ASPA: variants seen among roughly 807,000 people sequenced by gnomAD.
The protein encoded by ASPA is ACY-2.
Under a neutral mutation model 29.6 loss-of-function variants are expected in ASPA, and 25 were observed. The observed-to-expected ratio is 0.85, with a 90% CI of 0.62 to 1.18. ASPA has a LOEUF of 1.18. ASPA is among the 50% of genes most tolerant of loss of function. The pLI is 0.00. For synonymous variants in ASPA, 131 were observed against 130.3 expected (o/e 1.01, Z -0.04); for missense variants, 333 against 385.7 (o/e 0.86, Z 1.14).
chr17:3,476,497 C>A, intron 1 of ASPA, 102 bp downstream of exon 1: 5 of 1,073,708 alleles, frequency 4.7e-6, no homozygotes, highest in South Asian at 2.5e-5. Flanking sequence ...TAATTCATGT[C>A]CGTACATGCA....
rs1212818519 is a variant in ASPA at position 3,476,154 on chromosome 17, G to A, written c.-6G>A. On this transcript the variant is annotated 5_prime_UTR_variant, in exon 1 of 6. Transcript: ENST00000263080. ...TGCAGAAATCAGATAAAAACTACTT[G>A]GTGAAATGACTTCTTGTCACATTGC... 4 of 1,610,608 alleles carry A rather than the reference G, an allele frequency of 2.5e-6. No individual in the cohort carries two copies. The Admixed American group carries it at 5.0e-5, about 20-fold the overall frequency.
In ASPA at chr17:3,489,834, A is replaced by G. The variant is rs1203335063; in HGVS notation, c.634+492A>G. 7.2e-5 allele frequency among the ~76,000 whole-genome samples: 11 copies of G among 152,302 alleles called. No individual in the cohort carries two copies. The East Asian group carries it at 2.1e-3, about 29-fold the overall frequency. ...AGCATCCACTTCTTAAAACACACCA[A>G]TCTTATTACCCAGCGATTCCACATC... On this transcript the variant is annotated intron_variant, in intron 4 of 5. Transcript: ENST00000263080.
chr17:3,496,862 C>G (rs190295122), intron 5 of ASPA, among the ~76,000 whole-genome samples: 1 of 151,996 alleles, frequency 6.6e-6, no homozygotes, highest in Non-Finnish European at 1.5e-5. Flanking sequence ...GTCAGGAGAT[C>G]GAGACCATCC....
In ASPA at chr17:3,499,066, G is replaced by C. The variant is rs1421067148; in HGVS notation, c.920G>C (p.Ser307Thr). ...KTTKLTLNAK[S>T]IRCCLH ...ACTAAACTAACGCTCAATGCAAAAAGTATTCGCTGCTGTTTACATTAGAAA... is the reference window on the plus strand; with the variant it reads ...ACTAAACTAACGCTCAATGCAAAAACTATTCGCTGCTGTTTACATTAGAAA... Residue 307 changes from serine to threonine, a missense_variant, in exon 6 of 6, where the codon AGT becomes ACT. Physicochemically the swap from Ser to Thr is moderately conservative, Grantham distance 58. Transcript: ENST00000263080. The C allele has an allele frequency of 6.2e-7, 1 of 1,614,056 alleles. No homozygotes were observed.
rs923626956 is a variant in ASPA, at chr17:3,501,102, T to C, written c.*2014T>C. The stretch of plus-strand genomic sequence containing the variant: ...AAGCCCATGGATCAAGGCGTCATTG[T>C]GACTTTCAAATCTAACTATTTAAGA... On this transcript the variant is annotated 3_prime_UTR_variant, in exon 6 of 6. Coordinates refer to ENST00000263080, the MANE Select transcript of ASPA (RefSeq NM_000049.4). The C allele has an allele frequency of 1.7e-4, 26 of 152,056 alleles. No homozygotes were observed. Among genetic ancestry groups the C allele is most frequent in the African/African-American group, 6.0e-4 (25 of 41,380 alleles). 9.4% of individuals were successfully genotyped at this position (152,056 alleles called of 1,614,324 possible). A position where few individuals can be genotyped will look rare whatever the true frequency, so the allele number is the denominator to read the frequency against.
rs1438500410 is a variant in ASPA, at chr17:3,489,245, T to C, written c.537T>C (p.Val179=). ...SIAKYPVGIE[V]GPQPQGVLRA... is the part of the protein sequence containing the mutation. ...TCCTTCTGTACCTAGGTATAGAAGT[T>C]GGTCCTCAGCCTCAAGGGGTTCTGA... Residue 179 remains valine (V), a synonymous_variant, in exon 4 of 6, where the codon GTT becomes GTC. Transcript: ENST00000263080. The C allele has an allele frequency of 6.2e-7, 1 of 1,609,124 alleles. No homozygotes were observed. Among genetic ancestry groups the C allele is most frequent in the Non-Finnish European group, 8.5e-7 (1 of 1,176,608 alleles).
intron 1 of ASPA, among the ~76,000 whole-genome samples, chr17:3,478,019 A>T (rs1260814237): frequency 1.3e-5 from 2 of 151,042 alleles, no homozygotes; most frequent in Non-Finnish European, 3.0e-5. Flanking sequence ...CGTCTCTACT[A>T]AAAAAAATAC....
In ASPA at chr17:3,502,767, C is replaced by T. The variant is rs1249106887; in HGVS notation, c.*3679C>T. ...CTGAGGAGCTAATGTTTCTTCCCAACATGGAAAATTTGGAAGAGGCCTATT... is the reference window on the plus strand; with the variant it reads ...CTGAGGAGCTAATGTTTCTTCCCAATATGGAAAATTTGGAAGAGGCCTATT... On this transcript the variant is annotated 3_prime_UTR_variant, in exon 6 of 6. Coordinates refer to ENST00000263080, the MANE Select transcript of ASPA (RefSeq NM_000049.4). 2 of 152,276 alleles carry T rather than the reference C, an allele frequency of 1.3e-5. No homozygotes were observed. Among genetic ancestry groups the T allele is most frequent in the Non-Finnish European group, 2.9e-5 (2 of 68,062 alleles). 9.4% of individuals were successfully genotyped at this position (152,276 alleles called of 1,614,324 possible).
At chr17:3,479,363 AG>A (rs908629349) in intron 1 of ASPA, among the ~76,000 whole-genome samples, 9 of 152,212 alleles carry the variant, frequency 5.9e-5, no homozygotes, top group African/African-American at 2.2e-4. Context: ...GCGCGACCTC[AG>A]GGGGTTATTT....
At chr17:3,494,588 T>C in intron 5 of ASPA, 129 bp downstream of exon 5, 1 of 797,080 alleles carries the variant, frequency 1.3e-6, no homozygotes, top group Non-Finnish European at 2.1e-6. Context: ...TGAGTGTAGA[T>C]AGGGAAGATG....
chr17:3,491,469 A>T (rs1270653414), intron 4 of ASPA, among the ~76,000 whole-genome samples: 1 of 152,156 alleles, frequency 6.6e-6, no homozygotes, highest in Non-Finnish European at 1.5e-5. Context: ...ATTCCTGGCC[A>T]GGCGCGGTGG....
rs1484581332 is a variant in ASPA, at chr17:3,476,153, T to C, written c.-7T>C. 5.6e-6 allele frequency: 9 copies of C among 1,611,156 alleles called. No individual in the cohort carries two copies. The highest frequency in any genetic ancestry group is 6.8e-6 in the Non-Finnish European group (8 of 1,177,658). On this transcript the variant is annotated 5_prime_UTR_variant, in exon 1 of 6. Transcript: ENST00000263080. ...TTGCAGAAATCAGATAAAAACTACT[T>C]GGTGAAATGACTTCTTGTCACATTG...
At chr17:3,483,081 G>A (rs1567611854) in intron 2 of ASPA, among the ~76,000 whole-genome samples, 2 of 151,966 alleles carry the variant, frequency 1.3e-5, no homozygotes, top group African/African-American at 2.4e-5. Context: ...AGCAGGAGGA[G>A]GGGGAATCAC....
In ASPA at chr17:3,498,952, C is replaced by G; in HGVS notation, c.806C>G (p.Thr269Arg). The change falls in exon 6 of 6, where the codon ACG (threonine) becomes AGG (arginine). Residue 269 changes from threonine (T) to arginine (R), a missense_variant. By Grantham distance (71) the Thr-to-Arg change is moderately conservative. Coordinates refer to ENST00000263080, the MANE Select transcript of ASPA (RefSeq NM_000049.4). The part of the protein sequence containing the change: ...DPMFLTLDGK[T>R]IPLGGDCTVY... ...ATGTTTTTAACTCTTGATGGGAAGACGATCCCACTGGGCGGAGACTGTACC... is the reference window on the plus strand; with the variant it reads ...ATGTTTTTAACTCTTGATGGGAAGAGGATCCCACTGGGCGGAGACTGTACC... The G allele has an allele frequency of 6.2e-7, 1 of 1,612,738 alleles. No individual in the cohort carries two copies. The highest frequency in any genetic ancestry group is 8.5e-7 in the Non-Finnish European group (1 of 1,179,214).
At chr17:3,481,548 T>C in intron 1 of ASPA, 55 bp from the exon 2 acceptor site, 1 of 1,498,326 alleles carries the variant, frequency 6.7e-7, no homozygotes, top group Non-Finnish European at 9.2e-7. Context: ...TTATTATATG[T>C]TTATATTATC....
chr17:3,497,498 G>A (rs936326993), intron 5 of ASPA, among the ~76,000 whole-genome samples: 1 of 152,154 alleles, frequency 6.6e-6, no homozygotes, highest in Non-Finnish European at 1.5e-5. Flanking sequence ...ACACAAAAAT[G>A]AGCGAATTTC....
rs2074009884 is a variant in ASPA, at chr17:3,503,152, A to C, written c.*4064A>C. The C allele has an allele frequency of 6.6e-6, 1 of 152,108 alleles. No homozygotes were observed. The highest frequency in any genetic ancestry group is 1.5e-5 in the Non-Finnish European group (1 of 68,032). The allele number at this position is 152,108 out of a possible 1,614,324, so 9.4% of individuals were successfully genotyped here. A position where few individuals can be genotyped will look rare whatever the true frequency, so the allele number is the denominator to read the frequency against. ...ATTCCATGATCTGTACCCCCAATGAATCCATAATCATAGTTTCAAATGTAT... is the reference window on the plus strand; with the variant it reads ...ATTCCATGATCTGTACCCCCAATGACTCCATAATCATAGTTTCAAATGTAT... On this transcript the variant is annotated 3_prime_UTR_variant, in exon 6 of 6. Coordinates refer to ENST00000263080, the MANE Select transcript of ASPA (RefSeq NM_000049.4).
At chr17:3,477,775 A>C (rs1309178123) in intron 1 of ASPA, among the ~76,000 whole-genome samples, 1 of 152,114 alleles carries the variant, frequency 6.6e-6, no homozygotes, top group Non-Finnish European at 1.5e-5. Flanking sequence ...TTTACTAAAA[A>C]ATATTCTGAA....
intron 4 of ASPA, 104 bp from the exon 5 acceptor site, chr17:3,494,246 C>T: frequency 1.2e-6 from 1 of 810,904 alleles, no homozygotes; most frequent in Non-Finnish European, 2.2e-6. Flanking sequence ...TCAGGTGATC[C>T]ACCCAACTCG....
Sources: gnomAD v4.1 joint callset for allele counts (sites outside exome capture counted in the v4.1 genomes callset) on GRCh38, gnomAD v4.1.1 for gene constraint, MANE v1.5 for transcripts, NCBI Gene and HGNC (gene_info 2026-07-23, HGNC 2026-07-21) for gene names.